Variants in KIF6 observed in about 807,000 individuals in gnomAD.
KIF6 encodes kinesin-like protein KIF6.
KIF6 carries 106 observed loss-of-function variants against 112.7 expected under a neutral mutation model. The observed-to-expected ratio is 0.94, with a 90% CI of 0.80 to 1.11. KIF6 has a LOEUF of 1.11. KIF6 is among the 50% of genes least tolerant of loss of function. The pLI is 0.00. For missense variants in KIF6, 929 were observed against 964.0 expected (o/e 0.96, Z 0.48); for synonymous variants, 339 against 339.9 (o/e 1.00, Z 0.03).
intron 13 of KIF6, among the ~76,000 whole-genome samples, chr6:39,472,982 G>A (rs1774217851): frequency 6.6e-6 from 1 of 151,856 alleles, no homozygotes; most frequent in Non-Finnish European, 1.5e-5. Flanking sequence ...TGCCTCCCAG[G>A]TTCAAGCGAT....
chr6:39,405,564 T>G (rs977857899), intron 15 of KIF6, among the ~76,000 whole-genome samples: 2 of 152,212 alleles, frequency 1.3e-5, no homozygotes, highest in South Asian at 4.1e-4. Flanking sequence ...TAAGCCTCAC[T>G]TGGTCATGGT....
intron 16 of KIF6, among the ~76,000 whole-genome samples, chr6:39,375,024 T>C (rs1256298722): frequency 6.6e-6 from 1 of 152,204 alleles, no homozygotes; most frequent in Non-Finnish European, 1.5e-5. Context: ...TGGAATACTA[T>C]TAACCCTTAA....
intron 16 of KIF6, among the ~76,000 whole-genome samples, chr6:39,372,076 G>C (rs1330223587): frequency 6.6e-6 from 1 of 152,220 alleles, no homozygotes; most frequent in Non-Finnish European, 1.5e-5. Context: ...GTTGGCCTGA[G>C]TTGGGGTAAG....
intron 5 of KIF6, among the ~76,000 whole-genome samples, chr6:39,628,757 T>C (rs1170544270): frequency 6.6e-6 from 1 of 152,094 alleles, no homozygotes; most frequent in African/African-American, 2.4e-5. Context: ...ATGTATGATA[T>C]CATGTGCCCA....
chr6:39,620,994 C>T (rs368129596), intron 5 of KIF6, among the ~76,000 whole-genome samples: 1 of 152,006 alleles, frequency 6.6e-6, no homozygotes, highest in East Asian at 1.9e-4. Flanking sequence ...GTCTTGAACT[C>T]CTGACCTTAG....
intron 20 of KIF6, among the ~76,000 whole-genome samples, chr6:39,346,132 C>CTCTCTCTCTCTCTCT (rs1763766405): frequency 4.1e-4 from 11 of 26,916 alleles, no homozygotes; most frequent in African/African-American, 8.9e-4. Flanking sequence ...CCTCCCTCTC[C>CTCTCTCTCTCTCTCT]CTCTCTCTCT....
At chr6:39,715,127 G>A (rs1217723028) in intron 2 of KIF6, among the ~76,000 whole-genome samples, 1 of 152,202 alleles carries the variant, frequency 6.6e-6, no homozygotes, top group Non-Finnish European at 1.5e-5. Flanking sequence ...TCCAAGAACA[G>A]GATGTAAACA....
chr6:39,484,858 T>G (rs969326770), intron 13 of KIF6, among the ~76,000 whole-genome samples: 4 of 152,182 alleles, frequency 2.6e-5, no homozygotes, highest in African/African-American at 7.2e-5. Flanking sequence ...AGCTTGCATC[T>G]GTGACTATCA....
At chr6:39,484,469 G>C (rs1040101510) in intron 13 of KIF6, among the ~76,000 whole-genome samples, 2 of 152,132 alleles carry the variant, frequency 1.3e-5, no homozygotes, top group Non-Finnish European at 2.9e-5. Flanking sequence ...GACTGATAAG[G>C]AAGCCACAAG....
intron 13 of KIF6, among the ~76,000 whole-genome samples, chr6:39,476,001 G>T (rs1050824970): frequency 1.1e-4 from 16 of 151,740 alleles, no homozygotes; most frequent in African/African-American, 3.4e-4. Context: ...TGAACAAAAA[G>T]AACACATGGA....
intron 7 of KIF6, among the ~76,000 whole-genome samples, chr6:39,592,697 T>G (rs954022145): frequency 6.6e-6 from 1 of 152,242 alleles, no homozygotes; most frequent in Admixed American, 6.5e-5. Context: ...ACCCTGTTAT[T>G]GTGGCTTAAA....
intron 10 of KIF6, among the ~76,000 whole-genome samples, chr6:39,552,853 G>A (rs1346664744): frequency 1.3e-5 from 2 of 152,104 alleles, no homozygotes; most frequent in Admixed American, 6.5e-5. Context: ...GAGATAGCAG[G>A]TAATGCACAA....
chr6:39,383,709 G>A (rs1767170043), intron 16 of KIF6, among the ~76,000 whole-genome samples: 1 of 152,148 alleles, frequency 6.6e-6, no homozygotes, highest in East Asian at 1.9e-4. Context: ...AATGACATTG[G>A]TAATTTGATA....
At chr6:39,377,595 A>G (rs923743877) in intron 16 of KIF6, among the ~76,000 whole-genome samples, 1 of 152,252 alleles carries the variant, frequency 6.6e-6, no homozygotes, top group African/African-American at 2.4e-5. Context: ...AGAAAGTGGC[A>G]TCAACAGCCG....
intron 6 of KIF6, among the ~76,000 whole-genome samples, chr6:39,607,846 A>T (rs1207720939): frequency 2.0e-5 from 3 of 152,220 alleles, no homozygotes; most frequent in Non-Finnish European, 4.4e-5. Context: ...TAACTAACAT[A>T]TCTTTCAAAC....
chr6:39,419,849 G>C, intron 15 of KIF6, 99 bp downstream of exon 15: 1 of 1,022,268 alleles, frequency 9.8e-7, no homozygotes, highest in South Asian at 1.3e-5. Flanking sequence ...CCTGAAACTG[G>C]CCATTTGGGG....
At chr6:39,649,737 GAAA>G (rs1785364323) in intron 3 of KIF6, among the ~76,000 whole-genome samples, 1 of 96,894 alleles carries the variant, frequency 1.0e-5, no homozygotes, top group Non-Finnish European at 2.6e-5. Flanking sequence ...AAGAAAGAAA[GAAA>G]GAAAGAAAGA....
chr6:39,345,991 G>A (rs1012914010), intron 20 of KIF6, among the ~76,000 whole-genome samples: 4 of 147,666 alleles, frequency 2.7e-5, no homozygotes, highest in African/African-American at 1.0e-4. Flanking sequence ...TGAGGGTAGG[G>A]CCCCTGCACT....
chr6:39,682,188 C>T (rs982110122), intron 3 of KIF6, among the ~76,000 whole-genome samples: 4 of 152,182 alleles, frequency 2.6e-5, no homozygotes, highest in African/African-American at 9.7e-5. Context: ...TACTGTTATG[C>T]ATCGCTAAAC....
Sources: gnomAD v4.1 joint callset for allele counts (sites outside exome capture counted in the v4.1 genomes callset) on GRCh38, gnomAD v4.1.1 for gene constraint, MANE v1.5 for transcripts, NCBI Gene and HGNC (gene_info 2026-07-23, HGNC 2026-07-21) for gene names.